The following SYNCRIP variants were observed in gnomAD, a reference collection of about 807,000 sequenced individuals.
SYNCRIP encodes the protein heterogeneous nuclear ribonucleoprotein Q.
In SYNCRIP, 9 loss-of-function variants were observed where a neutral mutation model predicts 68.9. The ratio of observed to expected loss-of-function variants is 0.13; its 90% CI spans 0.08 to 0.23. The LOEUF (loss-of-function observed/expected upper bound fraction) is 0.23. Among genes scored for constraint, SYNCRIP ranks in the 10% least tolerant of loss-of-function variants. SYNCRIP has a pLI of 1.00. For synonymous variants in SYNCRIP, 258 were observed against 254.0 expected (o/e 1.02, Z -0.15); for missense variants, 414 against 770.6 (o/e 0.54, Z 5.48).
At chr6:85,625,473 C>T (rs1350744629) in intron 6 of SYNCRIP, among the ~76,000 whole-genome samples, 6 of 151,812 alleles carry the variant, frequency 4.0e-5, no homozygotes, top group South Asian at 4.2e-4. Flanking sequence ...CTGCAACCTC[C>T]GCCTCCTGGG....
intron 6 of SYNCRIP, among the ~76,000 whole-genome samples, chr6:85,624,694 T>G (rs2128287690): frequency 6.6e-6 from 1 of 152,300 alleles, no homozygotes; most frequent in East Asian, 1.9e-4. Context: ...GAAACAACTT[T>G]AAAACTACAG....
intron 6 of SYNCRIP, among the ~76,000 whole-genome samples, chr6:85,628,282 C>G (rs949656076): frequency 1.3e-5 from 2 of 152,224 alleles, no homozygotes; most frequent in African/African-American, 4.8e-5. Flanking sequence ...TCTCGAACTC[C>G]TGGCCTCGGG....
At chr6:85,617,302 T>A (rs1805891099) in intron 10 of SYNCRIP, among the ~76,000 whole-genome samples, 2 of 152,066 alleles carry the variant, frequency 1.3e-5, no homozygotes, top group Non-Finnish European at 2.9e-5. Flanking sequence ...TATACTGACA[T>A]CCTCCACCTT....
At position 85,614,586 on chromosome 6, in the gene SYNCRIP, G is replaced by A. The variant is rs1046172815; in HGVS notation, c.*170C>T. On this transcript the variant is annotated 3_prime_UTR_variant, in exon 11 of 11. Coordinates refer to ENST00000369622, the MANE Select transcript of SYNCRIP (RefSeq NM_006372.5). ...AAAAAATTAAAAATAAAATCAGTTC[G>A]CCAGAAGCAGTTAGAAGTGTGGCTT... The A allele has an allele frequency of 5.5e-6, 7 of 1,281,082 alleles. No homozygotes were observed. Among genetic ancestry groups the A allele is most frequent in the African/African-American group, 1.5e-5 (1 of 64,938 alleles). The allele number at this position is 1,281,082 out of a possible 1,614,324, so 79.4% of individuals were successfully genotyped here.
chr6:85,615,022 G>C lies in SYNCRIP; in HGVS notation c.1606C>G (p.Arg536Gly), dbSNP rs371636541. The change falls in exon 11 of 11, where the codon CGA (arginine) becomes GGA (glycine). Residue 536 changes from arginine to glycine, a missense_variant. Arg to Gly is a moderately radical substitution (Grantham distance 125). Transcript: ENST00000369622. ...TGTTGGGCACCTCCTCTCGCACCTC[G>C]AACGCCTCTTGCTGATCCAGGACCT... ...RGGPGSARGV[R>G]GARGGAQQQR... is the part of the protein sequence containing the mutation. The C allele has an allele frequency of 5.6e-6, 9 of 1,613,762 alleles. No individual in the cohort carries two copies. Among genetic ancestry groups the C allele is most frequent in the African/African-American group, 1.3e-5 (1 of 74,868 alleles).
rs67258131 is a variant in SYNCRIP at position 85,623,562 on chromosome 6, C to CAAAAAAAAAAAAAAAAAAA, written c.802+396_802+414dup. On this transcript the variant is annotated intron_variant, in intron 7 of 10. Coordinates refer to ENST00000369622, the MANE Select transcript of SYNCRIP (RefSeq NM_006372.5). ...CTGGGCAACAAAGCAAGACTGTCTC[C>CAAAAAAAAAAAAAAAAAAA]AAAAAAAAAAAAAAAAAAAAACACT... is the stretch of plus-strand genomic sequence containing the variant. 2.2e-4 allele frequency among the ~76,000 whole-genome samples: 14 copies of CAAAAAAAAAAAAAAAAAAA among 63,254 alleles called. 1 individual carries two copies. The highest frequency in any genetic ancestry group is 8.2e-4 in the African/African-American group (12 of 14,718). The allele number at this position is 63,254 out of a possible 152,430, so 41.5% of individuals were successfully genotyped here. A position where few individuals can be genotyped will look rare whatever the true frequency, so the allele number is the denominator to read the frequency against.
intron 6 of SYNCRIP, among the ~76,000 whole-genome samples, chr6:85,634,956 G>A (rs1270481964): frequency 6.6e-6 from 1 of 152,102 alleles, no homozygotes; most frequent in Non-Finnish European, 1.5e-5. Context: ...GATTACTTGA[G>A]GTCTGGAGTT....
chr6:85,637,873 T>C (rs1214254703), intron 4 of SYNCRIP, among the ~76,000 whole-genome samples: 1 of 152,202 alleles, frequency 6.6e-6, no homozygotes, highest in Non-Finnish European at 1.5e-5. Flanking sequence ...TCTCCTATTA[T>C]TATTTGACAT....
intron 8 of SYNCRIP, among the ~76,000 whole-genome samples, chr6:85,621,127 T>C (rs932836740): frequency 1.3e-5 from 2 of 152,230 alleles, no homozygotes; most frequent in Non-Finnish European, 2.9e-5. Context: ...TCTGAATGTG[T>C]TAATCTAAAG....
chr6:85,632,838 G>A (rs934098827), intron 6 of SYNCRIP, among the ~76,000 whole-genome samples: 2 of 152,216 alleles, frequency 1.3e-5, no homozygotes, highest in African/African-American at 4.8e-5. Context: ...TGAGGAAGCT[G>A]AGGCAGGAGG....
chr6:85,616,625 G>A (rs1358697780), intron 10 of SYNCRIP, among the ~76,000 whole-genome samples: 3 of 152,156 alleles, frequency 2.0e-5, no homozygotes, highest in Non-Finnish European at 4.4e-5. Context: ...TGGGATTACA[G>A]GCATGAGCCA....
chr6:85,641,212 A>G, intron 2 of SYNCRIP, 80 bp downstream of exon 2: 1 of 1,240,632 alleles, frequency 8.1e-7, no homozygotes, highest in Non-Finnish European at 1.1e-6. Flanking sequence ...TGGAAACCAC[A>G]AAAAGTTGCT....
intron 6 of SYNCRIP, among the ~76,000 whole-genome samples, chr6:85,625,553 A>AT (rs1678530919): frequency 6.6e-6 from 1 of 151,732 alleles, no homozygotes; most frequent in South Asian, 2.1e-4. Context: ...ATGCCCGGCT[A>AT]TTTTTTGTAT....
At chr6:85,612,732 A>C (rs1805342788), downstream of SYNCRIP, 1 of 708,336 alleles carries the variant, frequency 1.4e-6, no homozygotes, top group African/African-American at 1.8e-5. Flanking sequence ...GTATTAGTTC[A>C]ATGTCCCGTA....
intron 10 of SYNCRIP, 93 bp downstream of exon 10, chr6:85,618,725 G>A: frequency 9.6e-7 from 1 of 1,044,004 alleles, no homozygotes; most frequent in Non-Finnish European, 1.4e-6. Flanking sequence ...GAGATGTTAT[G>A]CATTTAACAA....
rs545299102 is a variant in SYNCRIP, at chr6:85,640,175, A to G, written c.375+46T>C. 2.2e-5 allele frequency: 29 copies of G among 1,321,834 alleles called. No individual in the cohort carries two copies. The African/African-American group carries it at 4.2e-4, about 19-fold the overall frequency. The allele number at this position is 1,321,834 out of a possible 1,614,324, so 81.9% of individuals were successfully genotyped here. A position where few individuals can be genotyped will look rare whatever the true frequency, so the allele number is the denominator to read the frequency against. ...AAGGAATATTTACCAAAATTAGGAA[A>G]CAGTTAAAATGACTTTAAAACTAAA... On this transcript the variant is annotated intron_variant, in intron 4 of 10. Transcript: ENST00000369622.
At chr6:85,635,794 A>AAG (rs1310585813) in intron 6 of SYNCRIP, among the ~76,000 whole-genome samples, 2 of 150,736 alleles carry the variant, frequency 1.3e-5, no homozygotes, top group Non-Finnish European at 2.9e-5. Context: ...AAAAAAAAAA[A>AAG]AAAGAAAAGG....
At chr6:85,628,682 T>G (rs558912113) in intron 6 of SYNCRIP, among the ~76,000 whole-genome samples, 3 of 152,234 alleles carry the variant, frequency 2.0e-5, no homozygotes, top group African/African-American at 7.2e-5. Flanking sequence ...ATTGTCTGTG[T>G]TACCCTAGGT....
intron 7 of SYNCRIP, among the ~76,000 whole-genome samples, chr6:85,623,093 T>C (rs1430765243): frequency 1.3e-5 from 2 of 152,196 alleles, no homozygotes; most frequent in Non-Finnish European, 2.9e-5. Flanking sequence ...ATGGCTTTAT[T>C]TCAAATAAAA....
Sources: allele counts gnomAD v4.1 joint callset (sites outside exome capture counted in the v4.1 genomes callset), GRCh38; gene constraint gnomAD v4.1.1; transcripts MANE v1.5; gene names NCBI Gene and HGNC (gene_info 2026-07-23, HGNC 2026-07-21).